SEC63: variants seen among roughly 807,000 people sequenced by gnomAD.
SEC63 encodes the protein SEC63 protein translocation regulator, also known as translocation protein SEC63 homolog.
SEC63 carries 56 observed loss-of-function variants against 116.2 expected under a neutral mutation model. That is an observed-to-expected ratio of 0.48 (90% CI 0.39 to 0.60). The LOEUF is 0.60. SEC63 is among the 20% of genes least tolerant of loss of function. SEC63 has a pLI of 0.00. For missense variants in SEC63, 668 were observed against 900.0 expected (o/e 0.74, Z 3.30); for synonymous variants, 273 against 294.6 (o/e 0.93, Z 0.75).
chr6:107,919,294 G>C (rs1787490899), intron 4 of SEC63, among the ~76,000 whole-genome samples: 1 of 152,174 alleles, frequency 6.6e-6, no homozygotes, highest in Admixed American at 6.5e-5. Context: ...GCTAGAAATA[G>C]CAGGAGAACT....
At chr6:107,939,713 G>A (rs1770332462) in intron 1 of SEC63, among the ~76,000 whole-genome samples, 1 of 152,002 alleles carries the variant, frequency 6.6e-6, no homozygotes. Flanking sequence ...TCCAGCCCGG[G>A]TGAAAGTACG....
intron 12 of SEC63, 60 bp downstream of exon 12, chr6:107,902,784 G>C: frequency 6.6e-7 from 1 of 1,514,014 alleles, no homozygotes; most frequent in Non-Finnish European, 9.2e-7. Flanking sequence ...TTTTATTCAT[G>C]TTACCTTTAA....
intron 6 of SEC63, among the ~76,000 whole-genome samples, chr6:107,912,195 ATTC>A (rs1438295687): frequency 6.6e-6 from 1 of 152,224 alleles, no homozygotes; most frequent in Non-Finnish European, 1.5e-5. Context: ...GAGTAAGATA[ATTC>A]TTGACATTTT....
intron 1 of SEC63, among the ~76,000 whole-genome samples, chr6:107,956,936 G>A (rs1770723593): frequency 6.6e-6 from 1 of 152,276 alleles, no homozygotes; most frequent in Middle Eastern, 3.4e-3. Flanking sequence ...TCCCTAAGTT[G>A]TTAATACTCA....
At chr6:107,883,964 A>G (rs529417497) in intron 16 of SEC63, among the ~76,000 whole-genome samples, 1 of 152,220 alleles carries the variant, frequency 6.6e-6, no homozygotes, top group South Asian at 2.1e-4. Context: ...AAGAAAGCAG[A>G]AACAGGCGGG....
At chr6:107,952,672 T>C (rs1016156750) in intron 1 of SEC63, among the ~76,000 whole-genome samples, 2 of 152,022 alleles carry the variant, frequency 1.3e-5, no homozygotes, top group African/African-American at 4.8e-5. Context: ...GTGGGAGAAC[T>C]GCTTGAATCT....
intron 16 of SEC63, among the ~76,000 whole-genome samples, chr6:107,885,967 T>C (rs1199577943): frequency 1.3e-5 from 2 of 152,100 alleles, no homozygotes; most frequent in African/African-American, 2.4e-5. Flanking sequence ...CATCAACCCA[T>C]CATCTACATT....
chr6:107,928,292 G>C lies in SEC63; in HGVS notation c.224+1123C>G, dbSNP rs148075407. Among the ~76,000 whole-genome samples the C allele has an allele frequency of 3.0e-3, 450 of 152,034 alleles. 2 individuals carry two copies. The highest frequency in any genetic ancestry group is 0.01 in the African/African-American group (428 of 41,482). On this transcript the variant is annotated intron_variant, in intron 2 of 20. Transcript: ENST00000369002. ...GAGCCCAAGAGTTCGAGACCAGCCTGGGGAACATGGTGAAACCCCATCCCT... is the reference window on the plus strand; with the variant it reads ...GAGCCCAAGAGTTCGAGACCAGCCTCGGGAACATGGTGAAACCCCATCCCT...
chr6:107,944,433 C>G (rs1770439442), intron 1 of SEC63, among the ~76,000 whole-genome samples: 1 of 152,184 alleles, frequency 6.6e-6, no homozygotes, highest in African/African-American at 2.4e-5. Flanking sequence ...TGCAGCGGCT[C>G]ATGCCTGTAA....
At chr6:107,875,777 A>C (rs191709776) in intron 19 of SEC63, among the ~76,000 whole-genome samples, 63 of 152,336 alleles carry the variant, frequency 4.1e-4, no homozygotes, top group African/African-American at 1.4e-3. Context: ...AATGATATTC[A>C]AAATGTCTGA....
rs1583720978 is a variant in SEC63 at position 107,876,967 on chromosome 6, A to AT, written c.1936-306dup. 3 of 317,012 alleles carry AT rather than the reference A, an allele frequency of 9.5e-6. No individual in the cohort carries two copies. In the East Asian group the frequency reaches 2.1e-4, roughly 22 times the overall value. The allele number at this position is 317,012 out of a possible 1,614,324, so 19.6% of individuals were successfully genotyped here. The stretch of plus-strand genomic sequence containing the variant: ...AAGTAACAAGCATTATTCTAAATAT[A>AT]TACAACTATTACAATAGCATGTAGC... On this transcript the variant is annotated intron_variant, in intron 18 of 20. Transcript: ENST00000369002.
chr6:107,915,539 A>T (rs933688829), intron 4 of SEC63, among the ~76,000 whole-genome samples: 1 of 152,166 alleles, frequency 6.6e-6, no homozygotes, highest in African/African-American at 2.4e-5. Flanking sequence ...CTTTAAAGAC[A>T]GGTTTTACAT....
Position 107,917,782 on chromosome 6 carries a change from C to T in SEC63, c.452+4015G>A, listed in dbSNP as rs1340385204. The stretch of plus-strand genomic sequence containing the variant: ...AAGGCTGAGAGAGGTGAGGGAGCTG[C>T]AGAAGCTAGCAGATGTTGGTCCACA... On this transcript the variant is annotated intron_variant, in intron 4 of 20. Transcript: ENST00000369002. Among the ~76,000 whole-genome samples, 6 of 152,168 alleles carry T rather than the reference C, an allele frequency of 3.9e-5. No homozygotes were observed. The East Asian group carries it at 9.6e-4, about 24-fold the overall frequency.
chr6:107,885,708 T>C lies in SEC63; in HGVS notation c.1675-2562A>G, dbSNP rs558730686. On this transcript the variant is annotated intron_variant, in intron 16 of 20. Transcript: ENST00000369002. Reference sequence around the variant, plus strand: ...AAACAGTTAAGAAAATTTTGATCAGTAAAATAAAGAGTTGGAGCACTTACA... The same window carrying C: ...AAACAGTTAAGAAAATTTTGATCAGCAAAATAAAGAGTTGGAGCACTTACA... Among the ~76,000 whole-genome samples, 138 of 152,164 alleles carry C rather than the reference T, an allele frequency of 9.1e-4. 1 individual carries two copies. The highest frequency in any genetic ancestry group is 2.9e-3 in the African/African-American group (121 of 41,514).
At chr6:107,922,885 AG>A (rs997731406) in intron 3 of SEC63, among the ~76,000 whole-genome samples, 14 of 152,140 alleles carry the variant, frequency 9.2e-5, no homozygotes, top group Non-Finnish European at 1.9e-4. Flanking sequence ...TCAAAGTAAA[AG>A]TAAGTGCCAT....
At chr6:107,957,030 A>G (rs1296555405) in intron 1 of SEC63, among the ~76,000 whole-genome samples, 6 of 151,848 alleles carry the variant, frequency 4.0e-5, no homozygotes, top group South Asian at 2.1e-4. Context: ...ACCATCTGCC[A>G]TATGTCCTAG....
At chr6:107,887,378 G>C (rs1013323220) in intron 16 of SEC63, among the ~76,000 whole-genome samples, 3 of 143,946 alleles carry the variant, frequency 2.1e-5, no homozygotes, top group Non-Finnish European at 4.5e-5. Context: ...ACTGGATTAA[G>C]AAAATGTGGC....
intron 1 of SEC63, among the ~76,000 whole-genome samples, chr6:107,944,632 G>A (rs966277620): frequency 1.3e-5 from 2 of 151,964 alleles, no homozygotes; most frequent in African/African-American, 4.8e-5. Context: ...GGGAAGTGGC[G>A]GTTGCAGTGA....
chr6:107,879,274 C>G (rs749710355), intron 18 of SEC63, among the ~76,000 whole-genome samples: 4 of 152,210 alleles, frequency 2.6e-5, no homozygotes, highest in Non-Finnish European at 5.9e-5. Context: ...AGCAATTCTC[C>G]TGCCTCAGCC....
Sources: gnomAD v4.1 joint callset for allele counts (sites outside exome capture counted in the v4.1 genomes callset) on GRCh38, gnomAD v4.1.1 for gene constraint, MANE v1.5 for transcripts, NCBI Gene and HGNC (gene_info 2026-07-23, HGNC 2026-07-21) for gene names.